The following AFDN variants were observed in gnomAD, a reference collection of about 807,000 sequenced individuals.
AFDN encodes the protein afadin, adherens junction formation factor.
Under a neutral mutation model 216.6 loss-of-function variants are expected in AFDN, and 68 were observed. The observed-to-expected ratio is 0.31, with a 90% CI of 0.26 to 0.38. The LOEUF (loss-of-function observed/expected upper bound fraction) is 0.38, where lower values mean the gene tolerates loss of function less well. Among genes scored for constraint, AFDN ranks in the 10% least tolerant of loss-of-function variants. AFDN has a pLI of 1.00. For missense variants in AFDN, 2,136 were observed against 2,342.0 expected, an observed-to-expected ratio of 0.91 and a Z score of 1.82; for synonymous variants, 868 against 853.7, an observed-to-expected ratio of 1.02 and a Z score of -0.29.
At chr6:167,874,274 G>A (rs1410155615) in intron 4 of AFDN, among the ~76,000 whole-genome samples, 6 of 151,982 alleles carry the variant, frequency 3.9e-5, no homozygotes, top group African/African-American at 1.2e-4. Context: ...TTTATGACTC[G>A]CTCTATTTAT....
chr6:167,870,791 A>G (rs1255109888), intron 3 of AFDN, among the ~76,000 whole-genome samples: 5 of 151,784 alleles, frequency 3.3e-5, no homozygotes, highest in Admixed American at 3.3e-4. Flanking sequence ...TTTTTTTTCC[A>G]AAATATAAAA....
At chr6:167,929,257 TA>T (rs1792962074) in intron 23 of AFDN, among the ~76,000 whole-genome samples, 1 of 151,324 alleles carries the variant, frequency 6.6e-6, no homozygotes, top group South Asian at 2.1e-4. Flanking sequence ...AAAAAAAAAT[TA>T]ACAAAAGATA....
intron 10 of AFDN, 65 bp downstream of exon 10, chr6:167,897,037 C>A (rs1336833994): frequency 1.2e-6 from 1 of 821,066 alleles, no homozygotes. Flanking sequence ...TTGTACAGAG[C>A]CTGCCACATG....
intron 1 of AFDN, among the ~76,000 whole-genome samples, chr6:167,845,296 T>A (rs1781535675): frequency 6.6e-6 from 1 of 152,384 alleles, no homozygotes; most frequent in Admixed American, 6.5e-5. Flanking sequence ...TTTGATGTTT[T>A]ACTGTGTTTA....
chr6:167,862,205 A>G (rs1014967512), intron 1 of AFDN, among the ~76,000 whole-genome samples: 1 of 152,164 alleles, frequency 6.6e-6, no homozygotes, highest in African/African-American at 2.4e-5. Context: ...AGGTACAGCC[A>G]GCAGATGTGG....
intron 22 of AFDN, among the ~76,000 whole-genome samples, chr6:167,923,925 C>G (rs1275976851): frequency 1.3e-5 from 2 of 151,950 alleles, no homozygotes; most frequent in South Asian, 2.1e-4. Flanking sequence ...TCGCCCGGCC[C>G]CTAATACTTT....
intron 32 of AFDN, among the ~76,000 whole-genome samples, chr6:167,967,379 T>C (rs1797673009): frequency 1.3e-5 from 2 of 152,232 alleles, no homozygotes; most frequent in African/African-American, 4.8e-5. Flanking sequence ...TGATCTACTT[T>C]GAAGGTTTAA....
In AFDN at chr6:167,960,761, G is replaced by A. The variant is rs377199771; in HGVS notation, c.4834-1672G>A. ...GGAAGCCTGTGGGGAGCTGTGGCTG[G>A]TTCTGTCAACTCAAGGGCAAGGCGT... On this transcript the variant is annotated intron_variant, in intron 30 of 33. Transcript: ENST00000683244. Among the ~76,000 whole-genome samples, 19 of 152,250 alleles carry A rather than the reference G, an allele frequency of 1.2e-4. No individual in the cohort carries two copies. In the East Asian group the frequency reaches 3.7e-3, roughly 29 times the overall value.
intron 6 of AFDN, among the ~76,000 whole-genome samples, chr6:167,887,842 T>G (rs1787060919): frequency 6.6e-6 from 1 of 152,172 alleles, no homozygotes; most frequent in Non-Finnish European, 1.5e-5. Context: ...AATTTTCTCC[T>G]TGTTAGATAT....
chr6:167,858,310 G>A (rs986204433), intron 1 of AFDN, among the ~76,000 whole-genome samples: 2 of 152,204 alleles, frequency 1.3e-5, no homozygotes, highest in African/African-American at 2.4e-5. Context: ...AATTTAAAAA[G>A]TATGTTGGCT....
intron 30 of AFDN, 130 bp downstream of exon 30, chr6:167,952,317 A>C (rs1414353256): frequency 1.3e-6 from 2 of 1,533,788 alleles, no homozygotes; most frequent in Admixed American, 2.1e-5. Context: ...ATACTGTTTT[A>C]TTGTATGTGT....
In AFDN at chr6:167,943,385, C is replaced by A. The variant is rs776894262; in HGVS notation, c.3166-17C>A. The A allele has an allele frequency of 6.2e-7, 1 of 1,611,786 alleles. No individual in the cohort carries two copies. The highest frequency in any genetic ancestry group is 1.7e-5 in the Admixed American group (1 of 60,010). ...TCTCTACCCCTAATCCATGCACACA[C>A]CTGTGGATTTGCCTAGGATGGACGT... On this transcript the variant is annotated splice_polypyrimidine_tract_variant and intron_variant, in intron 24 of 33. Transcript: ENST00000683244.
intron 1 of AFDN, among the ~76,000 whole-genome samples, chr6:167,843,429 G>A (rs1223535585): frequency 6.6e-6 from 1 of 152,138 alleles, no homozygotes; most frequent in Non-Finnish European, 1.5e-5. Context: ...TTGATGAATG[G>A]GCATTAGTAC....
At chr6:167,854,907 A>G (rs577578889) in intron 1 of AFDN, among the ~76,000 whole-genome samples, 158 of 151,960 alleles carry the variant, frequency 1.0e-3, no homozygotes, top group Admixed American at 2.2e-3. Flanking sequence ...GGAAAAAAAG[A>G]AAAACCAACA....
At chr6:167,954,526 T>A in intron 30 of AFDN, 1 of 1,592,554 alleles carries the variant, frequency 6.3e-7, no homozygotes, top group South Asian at 1.1e-5. Context: ...TTGGTACTTT[T>A]TTCCTGTCTT....
At chr6:167,833,666 A>G (rs1780073549) in intron 1 of AFDN, among the ~76,000 whole-genome samples, 1 of 152,092 alleles carries the variant, frequency 6.6e-6, no homozygotes, top group Non-Finnish European at 1.5e-5. Context: ...CAATTTTTTC[A>G]CTGTTAACCA....
chr6:167,878,995 T>C (rs149857116), intron 5 of AFDN, among the ~76,000 whole-genome samples: 2 of 152,366 alleles, frequency 1.3e-5, no homozygotes, highest in East Asian at 3.9e-4. Context: ...TTTTTCACAA[T>C]GTGTGTCACT....
rs1785244677 is a variant in AFDN at position 167,875,427 on chromosome 6, G to A, written c.671G>A (p.Arg224Gln). 2 of 1,613,912 alleles carry A rather than the reference G, an allele frequency of 1.2e-6. No homozygotes were observed. Among genetic ancestry groups the A allele is most frequent in the Non-Finnish European group, 1.7e-6 (2 of 1,179,916 alleles). ...TCTAATCCTGAGGTGGTTATGAAACGACGGAGGCAGCAAAAATTGGAAAAG... is the reference window on the plus strand; with the variant it reads ...TCTAATCCTGAGGTGGTTATGAAACAACGGAGGCAGCAAAAATTGGAAAAG... ...TISNPEVVMKRRRQQKLEKRM... is the reference protein window; with the variant it reads ...TISNPEVVMKQRRQQKLEKRM... Residue 224 changes from arginine (R) to glutamine (Q), a missense_variant, in exon 5 of 34, where the codon CGA becomes CAA. By Grantham distance (43) the Arg-to-Gln change is conservative. This residue lies in a region of AFDN where 817 missense variants were observed against 965.7 expected (regional missense o/e 0.85). Transcript: ENST00000683244.
intron 11 of AFDN, among the ~76,000 whole-genome samples, chr6:167,900,308 G>T (rs1400245477): frequency 6.6e-6 from 1 of 152,158 alleles, no homozygotes; most frequent in Non-Finnish European, 1.5e-5. Context: ...AAATCCTACT[G>T]ATGGTTATAA....
Sources: gnomAD v4.1 joint callset for allele counts (sites outside exome capture counted in the v4.1 genomes callset) on GRCh38, gnomAD v4.1.1 for gene constraint, gnomAD v4.1.1 regional missense constraint, MANE v1.5 for transcripts, NCBI Gene and HGNC (gene_info 2026-07-23, HGNC 2026-07-21) for gene names.